Variants in L3MBTL4 observed in about 807,000 individuals in gnomAD.
The protein encoded by L3MBTL4 is lethal(3)malignant brain tumor-like protein 4.
L3MBTL4 carries 70 observed loss-of-function variants against 84.5 expected under a neutral mutation model. That is an observed-to-expected ratio of 0.83 (90% CI 0.68 to 1.01). The LOEUF is 1.01. Among genes scored for constraint, L3MBTL4 ranks in the 50% least tolerant of loss-of-function variants. The pLI is 0.00. For missense variants in L3MBTL4, 715 were observed against 754.8 expected (o/e 0.95, Z 0.62); for synonymous variants, 274 against 259.8 (o/e 1.05, Z -0.52).
At chr18:6,094,580 C>T (rs1302693580) in intron 14 of L3MBTL4, among the ~76,000 whole-genome samples, 3 of 152,118 alleles carry the variant, frequency 2.0e-5, no homozygotes, top group Non-Finnish European at 4.4e-5. Flanking sequence ...TGATTCTTTT[C>T]TGAGCATTCA....
At chr18:6,108,295 G>T (rs1171297912) in intron 14 of L3MBTL4, among the ~76,000 whole-genome samples, 1 of 152,096 alleles carries the variant, frequency 6.6e-6, no homozygotes, top group African/African-American at 2.4e-5. Context: ...CTTGTGCCTG[G>T]CACTGAGGGG....
chr18:6,095,948 C>G (rs1383990060), intron 14 of L3MBTL4, among the ~76,000 whole-genome samples: 4 of 152,152 alleles, frequency 2.6e-5, no homozygotes, highest in African/African-American at 7.2e-5. Context: ...TTAAGAGAGA[C>G]TGAGAAATAT....
intron 16 of L3MBTL4, among the ~76,000 whole-genome samples, chr18:5,984,019 C>T (rs1002359920): frequency 3.3e-5 from 5 of 152,154 alleles, no homozygotes; most frequent in African/African-American, 1.2e-4. Flanking sequence ...TCAAGCAATT[C>T]TCCTGCCTCA....
chr18:6,185,616 C>T (rs2044689268), intron 12 of L3MBTL4, among the ~76,000 whole-genome samples: 1 of 152,154 alleles, frequency 6.6e-6, no homozygotes, highest in South Asian at 2.1e-4. Flanking sequence ...ATAAACAGGC[C>T]TCTACTAAAG....
At chr18:5,956,802 G>C (rs1006036126) in intron 18 of L3MBTL4, among the ~76,000 whole-genome samples, 9 of 152,128 alleles carry the variant, frequency 5.9e-5, no homozygotes, top group Admixed American at 3.9e-4. Context: ...AATCTTGAAA[G>C]CAACCCACTG....
chr18:6,299,943 A>AT (rs1463649173), intron 4 of L3MBTL4, among the ~76,000 whole-genome samples: 1 of 152,176 alleles, frequency 6.6e-6, no homozygotes, highest in East Asian at 1.9e-4. Context: ...AAGTGCTAGC[A>AT]TTACGGGCAT....
At chr18:6,054,642 C>T (rs190851202) in intron 16 of L3MBTL4, among the ~76,000 whole-genome samples, 40 of 152,344 alleles carry the variant, frequency 2.6e-4, no homozygotes, top group Admixed American at 2.4e-3. Context: ...GCTGCCCTTG[C>T]CTGGCACTTA....
At position 5,962,562 on chromosome 18, in the gene L3MBTL4, G is replaced by T. The variant is rs147972101; in HGVS notation, c.1615-2406C>A. ...CCCTGGTGGGACGCTGGAATCCTCT[G>T]CAGAGCTTTCACGCTGACTGCAGTC... On this transcript the variant is annotated intron_variant, in intron 17 of 18. Transcript: ENST00000317931. Among the ~76,000 whole-genome samples, 20 of 152,336 alleles carry T rather than the reference G, an allele frequency of 1.3e-4. No homozygotes were observed. In the East Asian group the frequency reaches 3.7e-3, roughly 28 times the overall value.
At chr18:6,102,952 T>A (rs1355036255) in intron 14 of L3MBTL4, among the ~76,000 whole-genome samples, 1 of 152,202 alleles carries the variant, frequency 6.6e-6, no homozygotes, top group Non-Finnish European at 1.5e-5. Flanking sequence ...CGAGAGTGTG[T>A]GTGTGTATAC....
intron 18 of L3MBTL4, among the ~76,000 whole-genome samples, chr18:5,958,008 G>GAGA (rs2095237462): frequency 6.9e-6 from 1 of 145,436 alleles, no homozygotes; most frequent in Middle Eastern, 3.2e-3. Context: ...GAAGGAGAAG[G>GAGA]AGGAGGAGGA....
At chr18:6,013,563 C>T (rs1190792266) in intron 16 of L3MBTL4, among the ~76,000 whole-genome samples, 1 of 152,244 alleles carries the variant, frequency 6.6e-6, no homozygotes, top group African/African-American at 2.4e-5. Flanking sequence ...GCCCTAGCCC[C>T]ACCCTTGCCC....
chr18:6,162,328 G>A (rs1471184611), intron 13 of L3MBTL4, among the ~76,000 whole-genome samples: 1 of 151,850 alleles, frequency 6.6e-6, no homozygotes, highest in Non-Finnish European at 1.5e-5. Flanking sequence ...GACCAATAAA[G>A]TTATCATAGA....
rs144124006 is a variant in L3MBTL4 at position 5,963,684 on chromosome 18, A to G, written c.1615-3528T>C. On this transcript the variant is annotated intron_variant, in intron 17 of 18. Coordinates refer to ENST00000317931, the MANE Select transcript of L3MBTL4 (RefSeq NM_001330559.2). ...TATGCAAAGGCCTTGATTCAGTATT[A>G]TTAGTCGGTAATTACTTCCCCTACA... Among the ~76,000 whole-genome samples the G allele has an allele frequency of 8.5e-4, 129 of 152,386 alleles. 1 individual carries two copies. In the East Asian group the frequency reaches 0.023, roughly 28 times the overall value.
At chr18:6,033,796 C>T (rs1272012002) in intron 16 of L3MBTL4, among the ~76,000 whole-genome samples, 1 of 152,162 alleles carries the variant, frequency 6.6e-6, no homozygotes, top group Non-Finnish European at 1.5e-5. Context: ...AGTCCGATGA[C>T]ACACAAAAAC....
At chr18:6,109,281 T>G (rs1021030354) in intron 14 of L3MBTL4, among the ~76,000 whole-genome samples, 1 of 152,138 alleles carries the variant, frequency 6.6e-6, no homozygotes, top group Non-Finnish European at 1.5e-5. Flanking sequence ...TTAAGAAACG[T>G]TTTTCTGTTT....
At chr18:6,031,266 C>T in intron 16 of L3MBTL4, 1 of 985,428 alleles carries the variant, frequency 1.0e-6, no homozygotes, top group Non-Finnish European at 1.2e-6. Flanking sequence ...TGCTAATAAG[C>T]ACAGCAGAAT....
At chr18:6,168,038 A>G (rs546249739) in intron 13 of L3MBTL4, among the ~76,000 whole-genome samples, 1 of 152,340 alleles carries the variant, frequency 6.6e-6, no homozygotes, top group Admixed American at 6.5e-5. Flanking sequence ...AATAACAGAC[A>G]AACAGAGAGC....
chr18:6,304,383 T>A (rs2050489551), intron 3 of L3MBTL4, among the ~76,000 whole-genome samples: 1 of 152,232 alleles, frequency 6.6e-6, no homozygotes, highest in Admixed American at 6.5e-5. Flanking sequence ...AAAGTTATCA[T>A]GGATATCTTC....
chr18:5,976,470 G>T (rs1488813462), intron 16 of L3MBTL4, among the ~76,000 whole-genome samples: 1 of 152,188 alleles, frequency 6.6e-6, no homozygotes, highest in Non-Finnish European at 1.5e-5. Flanking sequence ...GCAGGAAGAG[G>T]CTGGGTGGCT....
Sources: allele counts gnomAD v4.1 joint callset (sites outside exome capture counted in the v4.1 genomes callset), GRCh38; gene constraint gnomAD v4.1.1; transcripts MANE v1.5; gene names NCBI Gene and HGNC (gene_info 2026-07-23, HGNC 2026-07-21).